ATAD2: variants seen among roughly 807,000 people sequenced by gnomAD.
ATAD2 encodes the protein ATPase family AAA domain-containing protein 2.
A neutral mutation model predicts 168.9 loss-of-function variants in ATAD2; 62 were observed. The ratio of observed to expected loss-of-function variants is 0.37; its 90% CI spans 0.30 to 0.45. The LOEUF is 0.45. Ranked by LOEUF, ATAD2 falls within the 20% of genes least tolerant of loss-of-function variation. ATAD2 has a pLI of 1.00. For missense variants in ATAD2, 1,419 were observed against 1,667.8 expected (o/e 0.85, Z 2.60); for synonymous variants, 613 against 571.6 (o/e 1.07, Z -1.03).
chr8:123,388,062 TCAC>T (rs1369393946), intron 1 of ATAD2, among the ~76,000 whole-genome samples: 3 of 152,204 alleles, frequency 2.0e-5, no homozygotes, highest in African/African-American at 7.2e-5. Flanking sequence ...TTAAACCACT[TCAC>T]CATCTACTCG....
intron 14 of ATAD2, among the ~76,000 whole-genome samples, chr8:123,348,613 G>A (rs1396093219): frequency 6.6e-6 from 1 of 152,216 alleles, no homozygotes; most frequent in Non-Finnish European, 1.5e-5. Flanking sequence ...GGGGACGGAA[G>A]TTGCAGTGAG....
chr8:123,382,373 C>A (rs1321289664), intron 1 of ATAD2, among the ~76,000 whole-genome samples: 4 of 152,138 alleles, frequency 2.6e-5, no homozygotes, highest in Non-Finnish European at 5.9e-5. Context: ...AGATTTGTCA[C>A]CATCTTTATC....
intron 6 of ATAD2, among the ~76,000 whole-genome samples, chr8:123,370,397 C>T (rs965355532): frequency 6.6e-6 from 1 of 152,016 alleles, no homozygotes; most frequent in Admixed American, 6.6e-5. Flanking sequence ...TTTCAAATTT[C>T]CTCATTAAGC....
rs181196735 is a variant in ATAD2, at chr8:123,410,779, T to C, written c.-2282+5469A>G. 1.0e-3 allele frequency among the ~76,000 whole-genome samples: 156 copies of C among 152,278 alleles called. 1 individual carries two copies. Among genetic ancestry groups the C allele is most frequent in the African/African-American group, 3.6e-3 (149 of 41,552 alleles). On this transcript the variant is annotated intron_variant, in intron 1 of 28. Transcript: ENST00000521903. ...TCGCTCGCCGTCCACCACTGCTGTTTGCTGCCGTGGCAGACCCGCCACTGA... is the reference window on the plus strand; with the variant it reads ...TCGCTCGCCGTCCACCACTGCTGTTCGCTGCCGTGGCAGACCCGCCACTGA...
rs1483208943 is a variant in ATAD2 at position 123,322,976 on chromosome 8, G to A, written c.4093C>T (p.Arg1365Trp). 7.4e-6 allele frequency: 12 copies of A among 1,613,576 alleles called. No homozygotes were observed. Among genetic ancestry groups the A allele is most frequent in the East Asian group, 6.7e-5 (3 of 44,850 alleles). The change falls in exon 27 of 28, where the codon CGG becomes TGG. Residue 1365 changes from arginine (R) to tryptophan (W), a missense_variant. Coordinates refer to ENST00000287394, the MANE Select transcript of ATAD2 (RefSeq NM_014109.4). ...GTTTTATCATGGTCCTTGCGATGCC[G>A]ATAAATACATTGGCTGATTACTGCA... is the stretch of plus-strand genomic sequence containing the variant. ...LYAVISQCIY[R>W]HRKDHDKTSL...
At chr8:123,395,633 G>A (rs1468787042) in intron 1 of ATAD2, among the ~76,000 whole-genome samples, 1 of 152,210 alleles carries the variant, frequency 6.6e-6, no homozygotes, top group African/African-American at 2.4e-5. Flanking sequence ...GGGCGTACAT[G>A]AAATGTTGGT....
At chr8:123,377,033 G>C (rs968899648) in intron 2 of ATAD2, among the ~76,000 whole-genome samples, 4 of 140,132 alleles carry the variant, frequency 2.9e-5, no homozygotes, top group Non-Finnish European at 6.1e-5. Flanking sequence ...GGAGGTTGCA[G>C]TGAGCCACGA....
At chr8:123,375,801 T>C (rs1477156057) in intron 2 of ATAD2, among the ~76,000 whole-genome samples, 1 of 152,078 alleles carries the variant, frequency 6.6e-6, no homozygotes, top group Non-Finnish European at 1.5e-5. Flanking sequence ...TGAAACTCCA[T>C]ATCTACTAAA....
chr8:123,372,589 A>T, intron 3 of ATAD2, 48 bp downstream of exon 3: 1 of 1,404,298 alleles, frequency 7.1e-7, no homozygotes, highest in Non-Finnish European at 9.7e-7. Flanking sequence ...TGTAAACAGA[A>T]TATTAATTAC....
intron 2 of ATAD2, 113 bp downstream of exon 2, chr8:123,380,416 T>G (rs963554927): frequency 1.6e-5 from 18 of 1,106,878 alleles, no homozygotes; most frequent in Non-Finnish European, 2.3e-5. Flanking sequence ...AAACTACATT[T>G]TATAGCCCTA....
chr8:123,389,985 T>TATATATATATA (rs1554647643), intron 1 of ATAD2, among the ~76,000 whole-genome samples: 41 of 70,798 alleles, frequency 5.8e-4, no homozygotes, highest in Admixed American at 3.2e-3. Context: ...TATATATATA[T>TATATATATATA]TTTTTTTTTT....
chr8:123,357,873 G>T, intron 11 of ATAD2, 137 bp from the exon 12 acceptor site: 1 of 787,040 alleles, frequency 1.3e-6, no homozygotes, highest in Non-Finnish European at 1.9e-6. Context: ...GTACAGTTTC[G>T]CACCACAAAG....
At chr8:123,377,287 T>C (rs1166239099) in intron 2 of ATAD2, among the ~76,000 whole-genome samples, 2 of 151,494 alleles carry the variant, frequency 1.3e-5, no homozygotes, top group Non-Finnish European at 2.9e-5. Flanking sequence ...AAAAAAGAAT[T>C]AATAAAAAGG....
upstream of ATAD2, among the ~76,000 whole-genome samples, chr8:123,399,184 C>A (rs969140714): frequency 6.6e-6 from 1 of 151,854 alleles, no homozygotes; most frequent in Admixed American, 6.6e-5. Flanking sequence ...ATTGCTTGAA[C>A]CTGGGAGGCA....
chr8:123,345,697 AAAAC>A (rs1308867077), intron 18 of ATAD2, among the ~76,000 whole-genome samples: 2 of 152,096 alleles, frequency 1.3e-5, no homozygotes, highest in African/African-American at 4.8e-5. Context: ...ACCAAAACCA[AAAAC>A]AAACAAAAAA....
intron 1 of ATAD2, among the ~76,000 whole-genome samples, chr8:123,403,885 T>C (rs1173277736): frequency 1.3e-5 from 2 of 152,046 alleles, no homozygotes; most frequent in African/African-American, 4.8e-5. Flanking sequence ...AGGTGTGCTG[T>C]TGACATAAAG....
intron 19 of ATAD2, among the ~76,000 whole-genome samples, chr8:123,342,228 G>C (rs1828085861): frequency 6.6e-6 from 1 of 152,170 alleles, no homozygotes; most frequent in South Asian, 2.1e-4. Flanking sequence ...AAGTGAGTAA[G>C]AAATAAACTT....
chr8:123,321,197 C>A, intron 27 of ATAD2, 22 bp from the exon 28 acceptor site: 1 of 1,594,280 alleles, frequency 6.3e-7, no homozygotes, highest in Non-Finnish European at 8.5e-7. Context: ...GGAGGAAGAG[C>A]AAATAGTAAG....
intron 2 of ATAD2, among the ~76,000 whole-genome samples, chr8:123,377,790 C>T (rs1177449479): frequency 6.6e-6 from 1 of 152,150 alleles, no homozygotes; most frequent in Non-Finnish European, 1.5e-5. Flanking sequence ...CATCATATTG[C>T]CTTTCATACA....
Sources: allele counts gnomAD v4.1 joint callset (sites outside exome capture counted in the v4.1 genomes callset), GRCh38; gene constraint gnomAD v4.1.1; transcripts MANE v1.5; gene names NCBI Gene and HGNC (gene_info 2026-07-23, HGNC 2026-07-21).